The following ENTHD1 variants were observed in gnomAD, a reference collection of about 807,000 sequenced individuals.
ENTHD1 encodes the protein ENTH domain-containing protein 1.
Under a neutral mutation model 39.1 loss-of-function variants are expected in ENTHD1, and 23 were observed. The ratio of observed to expected loss-of-function variants is 0.59; its 90% CI spans 0.42 to 0.83. The LOEUF (loss-of-function observed/expected upper bound fraction) is 0.83. Among genes scored for constraint, ENTHD1 ranks in the 40% least tolerant of loss-of-function variants. ENTHD1 has a pLI of 0.00. For synonymous variants in ENTHD1, 230 were observed against 258.2 expected, an observed-to-expected ratio of 0.89 and a Z score of 1.05; for missense variants, 624 against 705.4, an observed-to-expected ratio of 0.88 and a Z score of 1.31.
intron 2 of ENTHD1, among the ~76,000 whole-genome samples, chr22:39,862,332 G>A (rs982195606): frequency 1.3e-5 from 2 of 151,936 alleles, no homozygotes; most frequent in African/African-American, 2.4e-5. Context: ...GGCAGATCAC[G>A]AGGTCAGGAA....
At chr22:39,812,681 G>A (rs984981213) in intron 5 of ENTHD1, among the ~76,000 whole-genome samples, 2 of 152,184 alleles carry the variant, frequency 1.3e-5, no homozygotes, top group Admixed American at 6.5e-5. Context: ...CCACAGATGC[G>A]GAGCATCCAG....
intron 5 of ENTHD1, 29 bp from the exon 6 acceptor site, chr22:39,765,638 C>G: frequency 3.2e-6 from 5 of 1,544,348 alleles, no homozygotes; most frequent in Non-Finnish European, 4.4e-6. Context: ...GAGCTATAAT[C>G]AAAAAATAAA....
At chr22:39,876,252 A>G in intron 2 of ENTHD1, 1 of 1,106,788 alleles carries the variant, frequency 9.0e-7, no homozygotes, top group Non-Finnish European at 1.3e-6. Context: ...ATTAATGTGA[A>G]ATAAATTGAA....
At chr22:39,839,166 A>T (rs1221493326) in intron 3 of ENTHD1, among the ~76,000 whole-genome samples, 1 of 152,122 alleles carries the variant, frequency 6.6e-6, no homozygotes, top group Non-Finnish European at 1.5e-5. Flanking sequence ...GTGTTTCAAA[A>T]TCATTTTAGG....
chr22:39,867,395 C>T lies in ENTHD1; in HGVS notation c.350-5388G>A, dbSNP rs1040006493. Among the ~76,000 whole-genome samples, 1 of 151,894 alleles carries T rather than the reference C, an allele frequency of 6.6e-6. No individual in the cohort carries two copies. The highest frequency in any genetic ancestry group is 2.4e-5 in the African/African-American group (1 of 41,332). On this transcript the variant is annotated intron_variant, in intron 2 of 6. Coordinates refer to ENST00000325157, the MANE Select transcript of ENTHD1 (RefSeq NM_152512.4). The surrounding 1 kb of genome is among the most constrained non-coding windows in gnomAD (Gnocchi z 4.5). ...TCCTGTCTCTATTCCTGACCTACTG[C>T]CCTACCAAAATCTACTCTTCTTCCC... is the stretch of plus-strand genomic sequence containing the variant.
At chr22:39,755,977 C>T (rs1270000588) in intron 6 of ENTHD1, among the ~76,000 whole-genome samples, 2 of 152,106 alleles carry the variant, frequency 1.3e-5, no homozygotes, top group Non-Finnish European at 2.9e-5. Flanking sequence ...ACTCCAGAGC[C>T]TGTGCTATCA....
chr22:39,875,872 G>A, intron 2 of ENTHD1: 1 of 1,613,996 alleles, frequency 6.2e-7, no homozygotes, highest in Non-Finnish European at 8.5e-7. Context: ...AATTATCACA[G>A]TTGAGGGACC....
intron 2 of ENTHD1, among the ~76,000 whole-genome samples, chr22:39,866,408 CA>C (rs1258646776): frequency 6.6e-6 from 1 of 152,180 alleles, no homozygotes; most frequent in African/African-American, 2.4e-5. Context: ...TTGGTTGAAA[CA>C]GCCAATAATC....
intron 5 of ENTHD1, among the ~76,000 whole-genome samples, chr22:39,799,987 A>C (rs1444283162): frequency 6.6e-6 from 1 of 152,214 alleles, no homozygotes; most frequent in Non-Finnish European, 1.5e-5. Context: ...ACTGTGCTAC[A>C]GCTGCTTAGG....
intron 4 of ENTHD1, among the ~76,000 whole-genome samples, chr22:39,821,907 T>G (rs1303250490): frequency 6.6e-6 from 1 of 152,222 alleles, no homozygotes; most frequent in African/African-American, 2.4e-5. Context: ...ATGAGGGCTA[T>G]GCCCTTATGA....
intron 2 of ENTHD1, among the ~76,000 whole-genome samples, chr22:39,886,750 C>T (rs2066382216): frequency 6.6e-6 from 1 of 152,120 alleles, no homozygotes; most frequent in Admixed American, 6.5e-5. Flanking sequence ...GGATCCTATC[C>T]TTTCCCTACT....
At chr22:39,850,428 T>C (rs2066025826) in intron 3 of ENTHD1, among the ~76,000 whole-genome samples, 1 of 152,178 alleles carries the variant, frequency 6.6e-6, no homozygotes, top group Non-Finnish European at 1.5e-5. Flanking sequence ...TTGCTTTCAA[T>C]CTTTATGTGA....
At chr22:39,833,692 A>G (rs1423499889) in intron 4 of ENTHD1, among the ~76,000 whole-genome samples, 2 of 151,890 alleles carry the variant, frequency 1.3e-5, no homozygotes, top group Non-Finnish European at 2.9e-5. Context: ...GAAGAGATAT[A>G]AAGATAGAGA....
intron 5 of ENTHD1, among the ~76,000 whole-genome samples, chr22:39,783,611 A>C (rs2065429530): frequency 6.6e-6 from 1 of 151,536 alleles, no homozygotes; most frequent in Non-Finnish European, 1.5e-5. Flanking sequence ...CAGCCAACTC[A>C]TCTTTGGCTG....
intron 3 of ENTHD1, among the ~76,000 whole-genome samples, chr22:39,837,437 C>A (rs1032306170): frequency 4.6e-5 from 7 of 152,118 alleles, no homozygotes; most frequent in Non-Finnish European, 8.8e-5. Flanking sequence ...AAAGGCATAT[C>A]TTCACCCATC....
At chr22:39,802,346 T>C (rs1296731129) in intron 5 of ENTHD1, among the ~76,000 whole-genome samples, 1 of 152,188 alleles carries the variant, frequency 6.6e-6, no homozygotes, top group Non-Finnish European at 1.5e-5. Context: ...TTAACAGCCA[T>C]GTAGAAATGT....
At chr22:39,853,193 T>C (rs1158436603) in intron 3 of ENTHD1, among the ~76,000 whole-genome samples, 1 of 152,210 alleles carries the variant, frequency 6.6e-6, no homozygotes, top group Non-Finnish European at 1.5e-5. Context: ...AAACCAATTT[T>C]ACCATAGGCT....
chr22:39,795,160 T>C (rs2065537711), intron 5 of ENTHD1, among the ~76,000 whole-genome samples: 1 of 152,212 alleles, frequency 6.6e-6, no homozygotes, highest in Admixed American at 6.5e-5. Flanking sequence ...TGGATTCAGT[T>C]TGCTAGTATT....
At chr22:39,848,330 T>C (rs1279293553) in intron 3 of ENTHD1, among the ~76,000 whole-genome samples, 1 of 152,018 alleles carries the variant, frequency 6.6e-6, no homozygotes, top group Non-Finnish European at 1.5e-5. Flanking sequence ...CTTGGCTCAC[T>C]GCAACCTCCG....
Sources: allele counts gnomAD v4.1 joint callset (sites outside exome capture counted in the v4.1 genomes callset), GRCh38; gene constraint gnomAD v4.1.1; non-coding constraint Gnocchi (gnomAD v3.1); transcripts MANE v1.5; gene names NCBI Gene and HGNC (gene_info 2026-07-23, HGNC 2026-07-21).